USP34: variants seen among roughly 807,000 people sequenced by gnomAD.
USP34 encodes ubiquitin specific peptidase 34.
In USP34, 70 loss-of-function variants were observed where a neutral mutation model predicts 460.3. That is an observed-to-expected ratio of 0.15 (90% CI 0.13 to 0.19). The LOEUF is 0.19. Ranked by LOEUF, USP34 falls within the 10% of genes least tolerant of loss-of-function variation. The pLI is 1.00. For missense variants in USP34, 3,985 were observed against 4,236.2 expected (o/e 0.94, Z 1.65); for synonymous variants, 1,647 against 1,405.3 (o/e 1.17, Z -3.85).
intron 58 of USP34, among the ~76,000 whole-genome samples, chr2:61,230,617 C>T (rs1272112494): frequency 6.6e-6 from 1 of 151,926 alleles, no homozygotes; most frequent in Non-Finnish European, 1.5e-5. Flanking sequence ...CCAAGGCGGG[C>T]AAATCACCTG....
intron 20 of USP34, among the ~76,000 whole-genome samples, chr2:61,330,202 G>GCTT (rs1691218818): frequency 6.6e-6 from 1 of 152,132 alleles, no homozygotes; most frequent in African/African-American, 2.4e-5. Flanking sequence ...ATATCATATA[G>GCTT]CTTCAGTATA....
At chr2:61,198,646 G>C (rs891552081) in intron 75 of USP34, among the ~76,000 whole-genome samples, 1 of 151,760 alleles carries the variant, frequency 6.6e-6, no homozygotes, top group Non-Finnish European at 1.5e-5. Flanking sequence ...AGAGGCACAC[G>C]GATCACGAGG....
At chr2:61,205,970 G>A in intron 72 of USP34, 47 bp downstream of exon 72, 1 of 1,410,264 alleles carries the variant, frequency 7.1e-7, no homozygotes, top group Middle Eastern at 1.8e-4. Flanking sequence ...TCACAACAAT[G>A]TTCTTCCACT....
At chr2:61,450,553 G>C (rs1024446875) in intron 1 of USP34, among the ~76,000 whole-genome samples, 1 of 152,028 alleles carries the variant, frequency 6.6e-6, no homozygotes, top group Admixed American at 6.6e-5. Context: ...CTTGAGGGCA[G>C]GAGTTTGAGA....
intron 10 of USP34, among the ~76,000 whole-genome samples, chr2:61,369,916 G>A (rs1295363175): frequency 1.4e-5 from 2 of 143,970 alleles, no homozygotes; most frequent in Non-Finnish European, 3.0e-5. Flanking sequence ...GGGCAGAAAG[G>A]AAAAACATGT....
At chr2:61,317,854 A>C in intron 22 of USP34, 87 bp from the exon 23 acceptor site, 1 of 911,130 alleles carries the variant, frequency 1.1e-6, no homozygotes, top group South Asian at 1.8e-5. Context: ...TACTGAAAAC[A>C]CTGTAGAAGG....
intron 48 of USP34, among the ~76,000 whole-genome samples, chr2:61,251,232 G>C (rs766430999): frequency 6.6e-6 from 1 of 152,246 alleles, no homozygotes; most frequent in East Asian, 1.9e-4. Context: ...ATAAATATCT[G>C]AATACAAACA....
intron 10 of USP34, among the ~76,000 whole-genome samples, chr2:61,360,500 G>C (rs1439203545): frequency 6.6e-6 from 1 of 152,110 alleles, no homozygotes; most frequent in Non-Finnish European, 1.5e-5. Flanking sequence ...AGAAGTAAAA[G>C]ACTTGTACAC....
At chr2:61,214,966 A>G (rs947895780) in intron 67 of USP34, among the ~76,000 whole-genome samples, 8 of 152,280 alleles carry the variant, frequency 5.3e-5, no homozygotes, top group African/African-American at 1.9e-4. Flanking sequence ...AAGATGCAGA[A>G]TTTTCCCACT....
chr2:61,258,667 T>C (rs1688787828), intron 44 of USP34, among the ~76,000 whole-genome samples: 2 of 152,156 alleles, frequency 1.3e-5, no homozygotes, highest in South Asian at 4.1e-4. Context: ...AGAGGGTGTG[T>C]GCCATGGTGA....
intron 10 of USP34, among the ~76,000 whole-genome samples, chr2:61,357,366 AG>A (rs1187848333): frequency 1.3e-5 from 2 of 152,230 alleles, no homozygotes; most frequent in Non-Finnish European, 2.9e-5. Context: ...AAGGGAAATT[AG>A]AAAATATTTA....
At chr2:61,301,311 A>T (rs1690216426) in intron 28 of USP34, 43 bp downstream of exon 28, 1 of 1,595,150 alleles carries the variant, frequency 6.3e-7, no homozygotes, top group Non-Finnish European at 8.6e-7. Flanking sequence ...ACTGATGATT[A>T]TAAACAGATC....
In USP34 at chr2:61,214,362, T is replaced by C. The variant is rs888509613; in HGVS notation, c.8380A>G (p.Thr2794Ala). The C allele has an allele frequency of 1.2e-6, 2 of 1,614,254 alleles. No homozygotes were observed. Among genetic ancestry groups the C allele is most frequent in the African/African-American group, 1.3e-5 (1 of 75,066 alleles). The change falls in exon 68 of 80, where the codon ACA becomes GCA. Residue 2794 changes from threonine (T) to alanine (A), a missense_variant. By Grantham distance (58) the Thr-to-Ala change is moderately conservative. Around this residue, in one of 14 missense-constraint regions of USP34, gnomAD observed 66 missense variants for 121.2 expected, o/e 0.54. Coordinates refer to ENST00000398571, the MANE Select transcript of USP34 (RefSeq NM_014709.4). ...QPKLSEPAIATNHNKQALLSF... is the reference protein window; with the variant it reads ...QPKLSEPAIAANHNKQALLSF... Reference sequence around the variant, plus strand: ...AGCAAAGCCTGTTTATTGTGATTTGTAGCTATTGCTGGCTCAGAAAGTTTA... The same window carrying C: ...AGCAAAGCCTGTTTATTGTGATTTGCAGCTATTGCTGGCTCAGAAAGTTTA...
intron 67 of USP34, among the ~76,000 whole-genome samples, chr2:61,216,849 TG>T (rs986238320): frequency 6.7e-6 from 1 of 149,322 alleles, no homozygotes; most frequent in Admixed American, 6.7e-5. Context: ...ACTCTGGAGG[TG>T]GAGGCTGCAG....
intron 27 of USP34, among the ~76,000 whole-genome samples, chr2:61,301,942 G>A (rs1230789449): frequency 1.3e-5 from 2 of 150,584 alleles, no homozygotes; most frequent in African/African-American, 2.4e-5. Flanking sequence ...GGGAGGGTGA[G>A]GAGAAAAAAG....
rs762488907 is a variant in USP34 at position 61,284,896 on chromosome 2, G to A, written c.4811C>T (p.Thr1604Met). 6 of 1,610,476 alleles carry A rather than the reference G, an allele frequency of 3.7e-6. No individual in the cohort carries two copies. The highest frequency in any genetic ancestry group is 5.1e-6 in the Non-Finnish European group (6 of 1,178,514). ...LIQRLMSVAY[T>M]YDNLAPRVLK... ...ATACCTAGGAGCCAGATTATCATAC[G>A]TATAAGCAACAGACATAAGTCGCTG... Residue 1604 changes from threonine (T) to methionine (M), a missense_variant, in exon 35 of 80, where the codon ACG becomes ATG. This residue lies in a region of USP34 where 1,114 missense variants were observed against 1,122.5 expected (regional missense o/e 0.99). Transcript: ENST00000398571.
intron 5 of USP34, among the ~76,000 whole-genome samples, chr2:61,393,426 G>C (rs1405746870): frequency 9.8e-5 from 10 of 102,020 alleles, no homozygotes; most frequent in African/African-American, 3.6e-4. Context: ...GCCAGACTCC[G>C]TCTAAAAAAA....
chr2:61,376,046 G>C (rs1375417953), intron 8 of USP34, among the ~76,000 whole-genome samples: 2 of 152,046 alleles, frequency 1.3e-5, no homozygotes, highest in African/African-American at 2.4e-5. Context: ...AGATTAGTGA[G>C]GCTGGAAATA....
chr2:61,301,347 T>C lies in USP34; in HGVS notation c.3918+7A>G, dbSNP rs775779425. ...ATTAAAACTCAAACCACGTTTTATA[T>C]ATGTACCTGCATATCCTTAAAACCA... On this transcript the variant is annotated splice_region_variant and intron_variant, in intron 28 of 79. Coordinates refer to ENST00000398571, the MANE Select transcript of USP34 (RefSeq NM_014709.4). 6 of 1,612,056 alleles carry C rather than the reference T, an allele frequency of 3.7e-6. No homozygotes were observed. The East Asian group carries it at 8.9e-5, about 24-fold the overall frequency.
Sources: allele counts gnomAD v4.1 joint callset (sites outside exome capture counted in the v4.1 genomes callset), GRCh38; gene constraint gnomAD v4.1.1; regional missense constraint gnomAD v4.1.1; transcripts MANE v1.5; gene names NCBI Gene and HGNC (gene_info 2026-07-23, HGNC 2026-07-21).